Variants in PSMD6 observed in about 807,000 individuals in gnomAD.
The protein encoded by PSMD6 is proteasome 26S subunit, non-ATPase 6.
In PSMD6, 7 loss-of-function variants were observed where a neutral mutation model predicts 44.9. The ratio of observed to expected loss-of-function variants is 0.16; its 90% CI spans 0.09 to 0.29. The LOEUF (loss-of-function observed/expected upper bound fraction) is 0.29. Ranked by LOEUF, PSMD6 falls within the 10% of genes least tolerant of loss-of-function variation. PSMD6 has a pLI of 1.00. For synonymous variants in PSMD6, 184 were observed against 172.7 expected, an observed-to-expected ratio of 1.07 and a Z score of -0.51; for missense variants, 420 against 482.6, an observed-to-expected ratio of 0.87 and a Z score of 1.21.
intron 2 of PSMD6, among the ~76,000 whole-genome samples, chr3:64,020,840 G>C (rs991131809): frequency 6.6e-6 from 1 of 152,110 alleles, no homozygotes; most frequent in African/African-American, 2.4e-5. Flanking sequence ...TCTGATTCAA[G>C]AGCTCATGTT....
At chr3:64,013,866 A>G (rs2106848350) in intron 5 of PSMD6, 1 of 323,838 alleles carries the variant, frequency 3.1e-6, no homozygotes, top group Middle Eastern at 8.4e-4. Context: ...GAACTTGTTC[A>G]TAGATGACAA....
chr3:64,010,788 T>G (rs1486244252), intron 7 of PSMD6, 24 bp from the exon 8 acceptor site: 1 of 1,584,068 alleles, frequency 6.3e-7, no homozygotes, highest in East Asian at 2.2e-5. Flanking sequence ...CAAGAAAAAA[T>G]GAATTATTTA....
Position 64,022,353 on chromosome 3 carries a change from C to T in PSMD6, c.316G>A (p.Ala106Thr), listed in dbSNP as rs1420145410. ...GESEIRDAMM[A>T]KAEYLCRIGD... ...ATCCGGCAGAGGTACTCGGCCTTTGCCATCATTGCATCGCGAATTTCGCTC... is the reference window on the plus strand; with the variant it reads ...ATCCGGCAGAGGTACTCGGCCTTTGTCATCATTGCATCGCGAATTTCGCTC... Residue 106 changes from alanine to threonine, a missense_variant, in exon 2 of 8, where the codon GCA becomes ACA. Transcript: ENST00000295901. 1 of 1,614,106 alleles carries T rather than the reference C, an allele frequency of 6.2e-7. No homozygotes were observed. The highest frequency in any genetic ancestry group is 8.5e-7 in the Non-Finnish European group (1 of 1,180,048).
intron 7 of PSMD6, 40 bp downstream of exon 7, chr3:64,010,838 A>G (rs369229462): frequency 1.3e-6 from 2 of 1,575,752 alleles, no homozygotes; most frequent in East Asian, 4.5e-5. Context: ...ACCTACTTTT[A>G]AAATTTAGGA....
intron 6 of PSMD6, chr3:64,012,161 ATGTAC>A (rs996330626): frequency 1.5e-5 from 2 of 135,236 alleles, no homozygotes; most frequent in Admixed American, 7.1e-5. Context: ...ATATGTTAAA[ATGTAC>A]TGTACAATTC....
intron 5 of PSMD6, chr3:64,017,586 T>C (rs2076065394): frequency 6.6e-6 from 1 of 152,240 alleles, no homozygotes; most frequent in South Asian, 2.1e-4. Flanking sequence ...AACATAACTG[T>C]GTGTGTATGT....
intron 5 of PSMD6, chr3:64,014,094 C>G (rs1039688603): frequency 1.7e-4 from 26 of 152,382 alleles, no homozygotes; most frequent in African/African-American, 6.0e-4. Context: ...TTTATTTGTT[C>G]ACGTAAATAG....
intron 6 of PSMD6, chr3:64,013,200 A>ACAAAT (rs1162435378): frequency 4.0e-5 from 16 of 395,700 alleles, no homozygotes; most frequent in African/African-American, 1.0e-4. Flanking sequence ...ATGACCTTTA[A>ACAAAT]CAAATCACTT....
At chr3:64,015,957 G>A (rs2076036440) in intron 5 of PSMD6, 2 of 152,126 alleles carry the variant, frequency 1.3e-5, no homozygotes, top group Admixed American at 1.3e-4. Context: ...AGAGGCTGAG[G>A]CGGGCGGATC....
intron 6 of PSMD6, chr3:64,011,274 C>G (rs1277342754): frequency 1.5e-5 from 3 of 201,612 alleles, no homozygotes; most frequent in Admixed American, 5.8e-5. Context: ...TAAACTGTTT[C>G]AAACAAAAGA....
rs1553698191 is a variant in PSMD6, at chr3:64,010,968, C to CAAAAAATAACAGAATTAGCTT, written c.996-34_996-14dup. 7.6e-4 allele frequency: 1,181 copies of CAAAAAATAACAGAATTAGCTT among 1,558,714 alleles called. 1 individual carries two copies. Among genetic ancestry groups the CAAAAAATAACAGAATTAGCTT allele is most frequent in the Non-Finnish European group, 9.6e-4 (1,104 of 1,145,396 alleles). On this transcript the variant is annotated splice_polypyrimidine_tract_variant and intron_variant, in intron 6 of 7. Coordinates refer to ENST00000295901, the MANE Select transcript of PSMD6 (RefSeq NM_014814.3). Reference sequence around the variant, plus strand: ...CCTGGACAGTTCCCTAATTTAGAGACAAAAAATAACAGAATTAGCTTTATA... The same window carrying CAAAAAATAACAGAATTAGCTT: ...CCTGGACAGTTCCCTAATTTAGAGACAAAAAATAACAGAATTAGCTTAAAAAATAACAGAATTAGCTTTATA...
intron 1 of PSMD6, chr3:64,022,990 T>C (rs901907413): frequency 1.4e-6 from 2 of 1,424,534 alleles, no homozygotes; most frequent in Non-Finnish European, 1.8e-6. Context: ...GGGCCTTTAC[T>C]CTGTGCCTAG....
intron 2 of PSMD6, among the ~76,000 whole-genome samples, chr3:64,021,979 C>A (rs1039984711): frequency 1.3e-5 from 2 of 152,192 alleles, no homozygotes; most frequent in South Asian, 4.1e-4. Context: ...ACTAAAGACA[C>A]CAGAACCAGT....
rs1277274600 is a variant in PSMD6, at chr3:64,022,205, C to A, written c.351+113G>T. 8 of 1,204,552 alleles carry A rather than the reference C, an allele frequency of 6.6e-6. No homozygotes were observed. The East Asian group carries it at 1.9e-4, about 28-fold the overall frequency. 74.6% of individuals were successfully genotyped at this position (1,204,552 alleles called of 1,614,324 possible). ...CACCAGTACAAGCAAGCATGATTAC[C>A]TTTATACTTTTTCTAAAACGAAGTT... On this transcript the variant is annotated intron_variant, in intron 2 of 7. Transcript: ENST00000295901.
intron 5 of PSMD6, chr3:64,015,476 TAAG>T (rs757189686): frequency 1.3e-5 from 2 of 152,190 alleles, no homozygotes; most frequent in Admixed American, 6.5e-5. Flanking sequence ...AGGAAGTCCT[TAAG>T]AAAGGATAAC....
intron 5 of PSMD6, chr3:64,015,919 T>C (rs1416144081): frequency 6.6e-6 from 1 of 152,202 alleles, no homozygotes; most frequent in Non-Finnish European, 1.5e-5. Flanking sequence ...CCGGGCGCGG[T>C]GGCTCACGTC....
chr3:64,017,011 T>C (rs1240505502), intron 5 of PSMD6: 1 of 152,230 alleles, frequency 6.6e-6, no homozygotes, highest in Non-Finnish European at 1.5e-5. Flanking sequence ...ACAACATGGA[T>C]GAATGTGGGA....
chr3:64,023,594 C>T (rs2076170506), upstream of PSMD6: 1 of 1,411,108 alleles, frequency 7.1e-7, no homozygotes, highest in Non-Finnish European at 9.2e-7. Context: ...CCGGCCTGGG[C>T]GCCTGCGCCC....
In PSMD6 at chr3:64,013,513, C is replaced by T. The variant is rs773577576; in HGVS notation, c.921G>A (p.Leu307=). ...GGGTTAATGACCTATATGATTCCAGCAGCTGACTGTATGCATGAATTCTCA... is the reference window on the plus strand; with the variant it reads ...GGGTTAATGACCTATATGATTCCAGTAGCTGACTGTATGCATGAATTCTCA... ...REMRIHAYSQ[L]LESYRSLTLG... Residue 307 remains leucine, a synonymous_variant, in exon 6 of 8, where the codon CTG becomes CTA. Coordinates refer to ENST00000295901, the MANE Select transcript of PSMD6 (RefSeq NM_014814.3). 6.2e-7 allele frequency: 1 copy of T among 1,613,686 alleles called. No homozygotes were observed. The highest frequency in any genetic ancestry group is 2.2e-5 in the East Asian group (1 of 44,860).
Sources: allele counts gnomAD v4.1 joint callset (sites outside exome capture counted in the v4.1 genomes callset), GRCh38; gene constraint gnomAD v4.1.1; transcripts MANE v1.5; gene names NCBI Gene and HGNC (gene_info 2026-07-23, HGNC 2026-07-21).